The following NFAT5 variants were observed in gnomAD, a reference collection of about 807,000 sequenced individuals.
NFAT5 encodes nuclear factor of activated T-cells 5.
Under a neutral mutation model 166.5 loss-of-function variants are expected in NFAT5, and 31 were observed. The observed-to-expected ratio is 0.19, with a 90% CI of 0.14 to 0.25. The LOEUF (loss-of-function observed/expected upper bound fraction) is 0.25. NFAT5 is among the 10% of genes least tolerant of loss of function. The pLI is 1.00. For missense variants in NFAT5, 1,449 were observed against 1,821.8 expected (o/e 0.80, Z 3.72); for synonymous variants, 612 against 639.7 (o/e 0.96, Z 0.65).
At position 69,588,976 on chromosome 16, in the gene NFAT5, ACTT is replaced by A. The variant is rs1464305093; in HGVS notation, c.127+20432_127+20434del. Among the ~76,000 whole-genome samples the A allele has an allele frequency of 1.1e-3, 81 of 74,220 alleles. 3 individuals are homozygous for A. The highest frequency in any genetic ancestry group is 4.6e-3 in the East Asian group (11 of 2,412). The allele number at this position is 74,220 out of a possible 152,430, so 48.7% of individuals were successfully genotyped here. A position where few individuals can be genotyped will look rare whatever the true frequency, so the allele number is the denominator to read the frequency against. On this transcript the variant is annotated intron_variant, in intron 2 of 14. Transcript: ENST00000349945. ...GTTGGACCCTCCCTCCTCTTTTCCT[ACTT>A]CTTTTTTTTTTTTTTTTTTTTTTTT... is the stretch of plus-strand genomic sequence containing the variant.
chr16:69,585,234 C>A (rs780226894), intron 2 of NFAT5, among the ~76,000 whole-genome samples: 1 of 151,840 alleles, frequency 6.6e-6, no homozygotes, highest in Admixed American at 6.6e-5. Context: ...TGGTCTTGAT[C>A]CCCTGACCTC....
At chr16:69,683,254 A>G (rs1041338886) in intron 10 of NFAT5, among the ~76,000 whole-genome samples, 1 of 151,922 alleles carries the variant, frequency 6.6e-6, no homozygotes, top group African/African-American at 2.4e-5. Flanking sequence ...AATTAAGGCC[A>G]AGCACGGTGG....
At chr16:69,696,040 G>A (rs1450717881) in intron 14 of NFAT5, among the ~76,000 whole-genome samples, 1 of 152,184 alleles carries the variant, frequency 6.6e-6, no homozygotes, top group African/African-American at 2.4e-5. Flanking sequence ...AAACACTTCT[G>A]ATCCCAAACA....
chr16:69,602,243 G>A (rs2033167214), intron 2 of NFAT5, among the ~76,000 whole-genome samples: 2 of 151,690 alleles, frequency 1.3e-5, no homozygotes, highest in Non-Finnish European at 2.9e-5. Context: ...CTAGATTAAG[G>A]GAAAGTAGAT....
At chr16:69,619,599 A>G (rs1252492014) in intron 2 of NFAT5, among the ~76,000 whole-genome samples, 2 of 152,344 alleles carry the variant, frequency 1.3e-5, no homozygotes, top group South Asian at 2.1e-4. Flanking sequence ...TGGCCCTGCA[A>G]AGTGCTCAAA....
chr16:69,681,576 C>A (rs1477918627), intron 10 of NFAT5, among the ~76,000 whole-genome samples: 1 of 152,100 alleles, frequency 6.6e-6, no homozygotes, highest in Admixed American at 6.6e-5. Context: ...AGTGTTTCCA[C>A]CTAATATGCC....
intron 10 of NFAT5, among the ~76,000 whole-genome samples, chr16:69,677,565 A>G (rs896016448): frequency 6.6e-6 from 1 of 152,206 alleles, no homozygotes; most frequent in Non-Finnish European, 1.5e-5. Flanking sequence ...AAAGGCAGCA[A>G]TGCTCTGAAG....
At position 69,647,761 on chromosome 16, in the gene NFAT5, GAAAAT is replaced by G. The variant is rs2035500096; in HGVS notation, c.812+183_812+187del. On this transcript the variant is annotated intron_variant, in intron 4 of 14. Transcript: ENST00000349945. This position sits in a 1 kb window ranked among gnomAD's most constrained non-coding sequence, Gnocchi z 4.8. ...TAAAATTACCAACTTTTACTAGATA[GAAAAT>G]AAAATAATCATAGATTCTAGCAATA... is the stretch of plus-strand genomic sequence containing the variant. Among the ~76,000 whole-genome samples the G allele has an allele frequency of 2.6e-5, 4 of 151,974 alleles. No homozygotes were observed. In the South Asian group the frequency reaches 8.3e-4, roughly 32 times the overall value.
chr16:69,630,902 A>T (rs1203769036), intron 3 of NFAT5, among the ~76,000 whole-genome samples: 1 of 152,168 alleles, frequency 6.6e-6, no homozygotes, highest in South Asian at 2.1e-4. Flanking sequence ...TTTTTAATCT[A>T]TGTGCTTACA....
rs530549070 is a variant in NFAT5, at chr16:69,693,055, A to G, written c.3230A>G (p.Asn1077Ser). Residue 1077 changes from asparagine to serine, a missense_variant, in exon 13 of 15, where the codon AAT (asparagine) becomes AGT (serine). By Grantham distance (46) the Asn-to-Ser change is conservative. Around this residue, in one of 7 missense-constraint regions of NFAT5, gnomAD observed 891 missense variants for 993.0 expected, o/e 0.90. Coordinates refer to ENST00000349945, the MANE Select transcript of NFAT5 (RefSeq NM_138713.4). ...GAGATGATGTCACTTCAATCTGGAA[A>G]TTTTTTGCAGCAGTCTTCTCATTCA... Reference protein sequence around the residue: ...GNEMMSLQSGNFLQQSSHSQA... With the variant: ...GNEMMSLQSGSFLQQSSHSQA... 3 of 1,613,978 alleles carry G rather than the reference A, an allele frequency of 1.9e-6. No individual in the cohort carries two copies. Among genetic ancestry groups the G allele is most frequent in the Admixed American group, 1.7e-5 (1 of 60,014 alleles).
At position 69,697,201 on chromosome 16, in the gene NFAT5, A is replaced by G. The variant is rs979798395; in HGVS notation, c.*850A>G. Reference sequence around the variant, plus strand: ...TCTTAGGCTGGTATTCCCTTTTTATATATATCTATATTACTTTTCACCTCT... The same window carrying G: ...TCTTAGGCTGGTATTCCCTTTTTATGTATATCTATATTACTTTTCACCTCT... On this transcript the variant is annotated 3_prime_UTR_variant, in exon 15 of 15. Transcript: ENST00000349945. 2.0e-5 allele frequency: 3 copies of G among 152,554 alleles called. No individual in the cohort carries two copies. Among genetic ancestry groups the G allele is most frequent in the African/African-American group, 4.8e-5 (2 of 41,430 alleles). 9.5% of individuals were successfully genotyped at this position (152,554 alleles called of 1,614,324 possible).
intron 3 of NFAT5, among the ~76,000 whole-genome samples, chr16:69,627,293 G>T (rs1468560547): frequency 7.7e-6 from 1 of 130,174 alleles, no homozygotes; most frequent in African/African-American, 2.8e-5. Context: ...TTTATAGACT[G>T]CTAAGTGTGT....
intron 2 of NFAT5, among the ~76,000 whole-genome samples, chr16:69,579,965 G>A (rs923956902): frequency 3.9e-5 from 6 of 152,108 alleles, no homozygotes; most frequent in Non-Finnish European, 5.9e-5. Flanking sequence ...CACATAGTAA[G>A]TGCTATATGA....
chr16:69,703,240 G>T lies in NFAT5; in HGVS notation c.*6889G>T, dbSNP rs941352794. ...CAAGATGGCTGGCCAGGTCAACATG[G>T]CACCTTAACTTATTTTTTTAATAGG... On this transcript the variant is annotated 3_prime_UTR_variant, in exon 15 of 15. Coordinates refer to ENST00000349945, the MANE Select transcript of NFAT5 (RefSeq NM_138713.4). 1 of 152,564 alleles carries T rather than the reference G, an allele frequency of 6.6e-6. No individual in the cohort carries two copies. The highest frequency in any genetic ancestry group is 1.5e-5 in the Non-Finnish European group (1 of 68,024). 9.5% of individuals were successfully genotyped at this position (152,564 alleles called of 1,614,324 possible).
chr16:69,566,082 G>A lies in NFAT5; in HGVS notation c.-220G>A. 1.9e-6 allele frequency: 1 copy of A among 532,548 alleles called. No homozygotes were observed. Among genetic ancestry groups the A allele is most frequent in the South Asian group, 2.2e-5 (1 of 45,588 alleles). The allele number at this position is 532,548 out of a possible 1,614,324, so 33.0% of individuals were successfully genotyped here. ...CTTCCCCGTCCTGAACCCCTCTCCTGGTCACCGAGAATCAGTCCCCGTGGA... is the reference window on the plus strand; with the variant it reads ...CTTCCCCGTCCTGAACCCCTCTCCTAGTCACCGAGAATCAGTCCCCGTGGA... On this transcript the variant is annotated 5_prime_UTR_variant, in exon 1 of 15. Coordinates refer to ENST00000349945, the MANE Select transcript of NFAT5 (RefSeq NM_138713.4). This position sits in a 1 kb window ranked among gnomAD's most constrained non-coding sequence, Gnocchi z 5.7.
chr16:69,625,445 C>G (rs1280233273), intron 2 of NFAT5, among the ~76,000 whole-genome samples: 3 of 151,564 alleles, frequency 2.0e-5, no homozygotes, highest in African/African-American at 4.8e-5. Context: ...ATTATGCAGT[C>G]TGATTTAAGA....
At position 69,704,542 on chromosome 16, in the gene NFAT5, T is replaced by C. The variant is rs1019602209; in HGVS notation, c.*8191T>C. 4 of 152,674 alleles carry C rather than the reference T, an allele frequency of 2.6e-5. No individual in the cohort carries two copies. The highest frequency in any genetic ancestry group is 4.8e-5 in the African/African-American group (2 of 41,472). 9.5% of individuals were successfully genotyped at this position (152,674 alleles called of 1,614,324 possible). ...TTGCATCTATGTTTTTAGCTATCTG[T>C]GATAACTTGTTAAATATTAAAAAGA... On this transcript the variant is annotated 3_prime_UTR_variant, in exon 15 of 15. Transcript: ENST00000349945.
At chr16:69,620,427 G>A (rs1197622326) in intron 2 of NFAT5, among the ~76,000 whole-genome samples, 2 of 152,056 alleles carry the variant, frequency 1.3e-5, no homozygotes, top group African/African-American at 4.8e-5. Context: ...AGCATTAATA[G>A]AAAAAATATA....
chr16:69,584,141 G>A (rs1002445138), intron 2 of NFAT5, among the ~76,000 whole-genome samples: 21 of 152,214 alleles, frequency 1.4e-4, no homozygotes, highest in African/African-American at 5.1e-4. Flanking sequence ...CAGGGGAATC[G>A]TTTGAACCCT....
Sources: allele counts gnomAD v4.1 joint callset (sites outside exome capture counted in the v4.1 genomes callset), GRCh38; gene constraint gnomAD v4.1.1; regional missense constraint gnomAD v4.1.1; non-coding constraint Gnocchi (gnomAD v3.1); transcripts MANE v1.5; gene names NCBI Gene and HGNC (gene_info 2026-07-23, HGNC 2026-07-21).